PRMT5: variants seen among roughly 807,000 people sequenced by gnomAD.
PRMT5 encodes the protein protein arginine N-methyltransferase 5.
In PRMT5, 15 loss-of-function variants were observed where a neutral mutation model predicts 84.0. The observed-to-expected ratio is 0.18, with a 90% CI of 0.12 to 0.28. The LOEUF (loss-of-function observed/expected upper bound fraction) is 0.28, where lower values mean the gene tolerates loss of function less well. Among genes scored for constraint, PRMT5 ranks in the 10% least tolerant of loss-of-function variants. The pLI, the probability that PRMT5 is intolerant of heterozygous loss-of-function variation, is 1.00. For synonymous variants in PRMT5, 276 were observed against 292.4 expected (o/e 0.94, Z 0.57); for missense variants, 486 against 808.0 (o/e 0.60, Z 4.83).
At chr14:22,922,395 C>A in intron 15 of PRMT5, 48 bp downstream of exon 15, 1 of 1,508,294 alleles carries the variant, frequency 6.6e-7, no homozygotes, top group South Asian at 1.1e-5. Flanking sequence ...ATAAGCTGCC[C>A]AGGAAGCACA....
Position 22,923,395 on chromosome 14 carries a change from A to G in PRMT5, c.1376-235T>C. On this transcript the variant is annotated intron_variant, in intron 12 of 16. Transcript: ENST00000324366. This position sits in a 1 kb window ranked among gnomAD's most constrained non-coding sequence, Gnocchi z 5.2. ...CAGAGTCACACAGATTAAAACTGAA[A>G]GAACCCAAGATAGTCTAATCTGGTG... The G allele has an allele frequency of 2.4e-6, 1 of 411,476 alleles. No individual in the cohort carries two copies. The highest frequency in any genetic ancestry group is 4.3e-6 in the Non-Finnish European group (1 of 232,802). The allele number at this position is 411,476 out of a possible 1,614,324, so 25.5% of individuals were successfully genotyped here.
Position 22,920,570 on chromosome 14 carries a change from C to T in PRMT5, c.*334G>A. ...AACTTTATTTGTATTTCCTCTTACA[C>T]AAAACCATCAAAACAAGAACAGAAA... On this transcript the variant is annotated 3_prime_UTR_variant, in exon 17 of 17. Coordinates refer to ENST00000324366, the MANE Select transcript of PRMT5 (RefSeq NM_006109.5). The T allele has an allele frequency of 2.0e-6, 1 of 510,108 alleles. No individual in the cohort carries two copies. Among genetic ancestry groups the T allele is most frequent in the Non-Finnish European group, 3.9e-6 (1 of 255,840 alleles). The allele number at this position is 510,108 out of a possible 1,614,324, so 31.6% of individuals were successfully genotyped here.
At chr14:22,929,176 T>C (rs752309006) in intron 1 of PRMT5, 76 bp downstream of exon 1, 1 of 1,613,862 alleles carries the variant, frequency 6.2e-7, no homozygotes, top group Non-Finnish European at 8.5e-7. Flanking sequence ...CCCCTGCTTC[T>C]CCGGGATGAC....
intron 13 of PRMT5, 43 bp downstream of exon 13, chr14:22,922,992 TACAGAAAAAGAAGAGG>T: frequency 6.8e-7 from 1 of 1,462,108 alleles, no homozygotes; most frequent in Non-Finnish European, 9.4e-7. Context: ...CTGATGCAAA[TACAGAAAAAGAAGAGG>T]ACTAAAGAGT....
chr14:22,929,275 T>G lies in PRMT5; in HGVS notation c.87A>C (p.Thr29=). 1.2e-6 allele frequency: 2 copies of G among 1,613,998 alleles called. No homozygotes were observed. Among genetic ancestry groups the G allele is most frequent in the Non-Finnish European group, 1.7e-6 (2 of 1,179,978 alleles). The part of the protein sequence containing the change: ...DLNCVPEIAD[T]LGAVAKQGFD... ...ACCCCTGCTTGGCCACAGCCCCTAGTGTGTCAGCTATTTCGGGGACGCAAT... is the reference window on the plus strand; with the variant it reads ...ACCCCTGCTTGGCCACAGCCCCTAGGGTGTCAGCTATTTCGGGGACGCAAT... The change falls in exon 1 of 17, where the codon ACA becomes ACC. Residue 29 remains threonine, a synonymous_variant. Coordinates refer to ENST00000324366, the MANE Select transcript of PRMT5 (RefSeq NM_006109.5).
chr14:22,929,093 G>A, intron 1 of PRMT5, 159 bp downstream of exon 1: 2 of 1,569,926 alleles, frequency 1.3e-6, no homozygotes, highest in Non-Finnish European at 1.7e-6. Context: ...TTTTCCTCAC[G>A]TTACTGGGTC....
At position 22,922,868 on chromosome 14, in the gene PRMT5, G is replaced by A. The variant is rs753349098; in HGVS notation, c.1486-33C>T. The A allele has an allele frequency of 7.5e-6, 12 of 1,594,322 alleles. No individual in the cohort carries two copies. The South Asian group carries it at 1.0e-4, about 13-fold the overall frequency. On this transcript the variant is annotated intron_variant, in intron 13 of 16. Transcript: ENST00000324366. The stretch of plus-strand genomic sequence containing the variant: ...AGACAGAAAGAGAGAGAGAGTGTTG[G>A]GGAAGACACACAAGAGAGAACTACT...
intron 16 of PRMT5, among the ~76,000 whole-genome samples, chr14:22,921,884 TAAAAA>T (rs34529278): frequency 1.7e-5 from 2 of 120,014 alleles, no homozygotes; most frequent in Non-Finnish European, 3.3e-5. Flanking sequence ...TCCGTCTCTT[TAAAAA>T]AAAAAAAAAA....
rs545629656 is a variant in PRMT5, at chr14:22,920,803, T to A, written c.*101A>T. 1.1e-5 allele frequency: 16 copies of A among 1,511,024 alleles called. No individual in the cohort carries two copies. In the South Asian group the frequency reaches 1.6e-4, roughly 15 times the overall value. 93.6% of individuals were successfully genotyped at this position (1,511,024 alleles called of 1,614,324 possible). On this transcript the variant is annotated 3_prime_UTR_variant, in exon 17 of 17. Transcript: ENST00000324366. ...AGCAGATTGAAATGCTCCTCTCTGA[T>A]GGGCAAGGGGAATCACAGCCCATAG...
At position 22,928,493 on chromosome 14, in the gene PRMT5, C is replaced by G; in HGVS notation, c.229+4G>C. On this transcript the variant is annotated splice_donor_region_variant and intron_variant, in intron 2 of 16. Transcript: ENST00000324366. The surrounding 1 kb of genome is among the most constrained non-coding windows in gnomAD (Gnocchi z 4.8). ...AATTAAGGGGCATATGGGATGGTCCCTACCCCTTCCTGACAGCAGTAGGTC... is the reference window on the plus strand; with the variant it reads ...AATTAAGGGGCATATGGGATGGTCCGTACCCCTTCCTGACAGCAGTAGGTC... 6.2e-7 allele frequency: 1 copy of G among 1,601,206 alleles called. No individual in the cohort carries two copies. The highest frequency in any genetic ancestry group is 8.6e-7 in the Non-Finnish European group (1 of 1,168,154).
chr14:22,921,145 A>T (rs933960401), intron 16 of PRMT5, 89 bp from the exon 17 acceptor site: 6 of 1,480,612 alleles, frequency 4.1e-6, no homozygotes, highest in Middle Eastern at 1.7e-4. Flanking sequence ...AAAATGATAA[A>T]CATGACAAGA....
chr14:22,921,773 C>T (rs746362289), intron 16 of PRMT5, among the ~76,000 whole-genome samples: 4 of 150,978 alleles, frequency 2.6e-5, no homozygotes, highest in Non-Finnish European at 4.4e-5. Context: ...ATCTCAGCCT[C>T]AGGGAGGCTG....
Position 22,926,541 on chromosome 14 carries a change from C to A in PRMT5, c.578G>T (p.Arg193Leu), listed in dbSNP as rs771903656. Residue 193 changes from arginine to leucine, a missense_variant, in exon 6 of 17, where the codon CGG becomes CTG. Arg to Leu is a moderately radical substitution (Grantham distance 102). Coordinates refer to ENST00000324366, the MANE Select transcript of PRMT5 (RefSeq NM_006109.5). ...EKTWMWWHNF[R>L]TLCDYSKRIA... ...CCTCTTACTATAGTCACACAAAGTC[C>A]GGAAGTTGTGCCACCTGTTCAGTCA... The A allele has an allele frequency of 1.2e-6, 2 of 1,614,136 alleles. No individual in the cohort carries two copies.
chr14:22,924,758 A>G lies in PRMT5; in HGVS notation c.940-49T>C. ...AGTTAGCCAGTTTCTGGCAAAGGAC[A>G]ATGCACTAAAATATCAAAAACTTTC... On this transcript the variant is annotated intron_variant, in intron 8 of 16. Transcript: ENST00000324366. This position sits in a 1 kb window ranked among gnomAD's most constrained non-coding sequence, Gnocchi z 6.5. The G allele has an allele frequency of 6.3e-7, 1 of 1,595,512 alleles. No individual in the cohort carries two copies. Among genetic ancestry groups the G allele is most frequent in the Non-Finnish European group, 8.6e-7 (1 of 1,167,628 alleles).
chr14:22,926,879 T>C, intron 4 of PRMT5, 65 bp from the exon 5 acceptor site: 1 of 1,191,744 alleles, frequency 8.4e-7, no homozygotes, highest in Non-Finnish European at 1.2e-6. Context: ...AAAGTTTCCC[T>C]CAATAAAAAA....
intron 16 of PRMT5, 85 bp downstream of exon 16, chr14:22,922,091 A>G (rs976989609): frequency 3.0e-5 from 36 of 1,205,532 alleles, no homozygotes; most frequent in Middle Eastern, 3.8e-4. Flanking sequence ...GTCATAGTCA[A>G]CTATCTTCCT....
In PRMT5 at chr14:22,922,779, T is replaced by C. The variant is rs770667576; in HGVS notation, c.1542A>G (p.Ala514=). ...GGCTGAAGGTGAAACAGGGCTGGGGTGCAGAGAGCTGGTGGAAGTTGTGCA... is the reference window on the plus strand; with the variant it reads ...GGCTGAAGGTGAAACAGGGCTGGGGCGCAGAGAGCTGGTGGAAGTTGTGCA... ...VRLHNFHQLS[A]PQPCFTFSHP... The change falls in exon 14 of 17, where the codon GCA becomes GCG. Residue 514 remains alanine (A), a synonymous_variant. Coordinates refer to ENST00000324366, the MANE Select transcript of PRMT5 (RefSeq NM_006109.5). 6.2e-7 allele frequency: 1 copy of C among 1,613,848 alleles called. No homozygotes were observed. The highest frequency in any genetic ancestry group is 8.5e-7 in the Non-Finnish European group (1 of 1,179,990).
chr14:22,922,308 G>T, intron 15 of PRMT5, 68 bp from the exon 16 acceptor site: 4 of 1,437,776 alleles, frequency 2.8e-6, no homozygotes, highest in Non-Finnish European at 3.9e-6. Flanking sequence ...GCTGAAGAGG[G>T]TCTCTTCTCT....
Position 22,928,113 on chromosome 14 carries a change from C to CAAACA in PRMT5, c.315+8_315+12dup. 1 of 1,611,248 alleles carries CAAACA rather than the reference C, an allele frequency of 6.2e-7. No individual in the cohort carries two copies. Among genetic ancestry groups the CAAACA allele is most frequent in the Non-Finnish European group, 8.5e-7 (1 of 1,178,414 alleles). ...GGTTAGAAAAATCCAGCAGAGAAGT[C>CAAACA]AAACAGTCTTACCGCCTCGGAGTTC... On this transcript the variant is annotated intron_variant, in intron 3 of 16. Transcript: ENST00000324366. This position sits in a 1 kb window ranked among gnomAD's most constrained non-coding sequence, Gnocchi z 4.8.
Sources: allele counts gnomAD v4.1 joint callset (sites outside exome capture counted in the v4.1 genomes callset), GRCh38; gene constraint gnomAD v4.1.1; non-coding constraint Gnocchi (gnomAD v3.1); transcripts MANE v1.5; gene names NCBI Gene and HGNC (gene_info 2026-07-23, HGNC 2026-07-21).